Variants in HPS4 observed in about 807,000 individuals in gnomAD.
HPS4 encodes the protein HPS4 biogenesis of lysosomal organelles complex 3 subunit 2.
Under a neutral mutation model 70.3 loss-of-function variants are expected in HPS4, and 44 were observed. That is an observed-to-expected ratio of 0.63 (90% CI 0.49 to 0.80). HPS4 has a LOEUF of 0.80. Among genes scored for constraint, HPS4 ranks in the 30% least tolerant of loss-of-function variants. The pLI is 0.00. For missense variants in HPS4, 873 were observed against 884.4 expected, an observed-to-expected ratio of 0.99 and a Z score of 0.16; for synonymous variants, 377 against 355.9, an observed-to-expected ratio of 1.06 and a Z score of -0.67.
intron 3 of HPS4, chr22:26,445,102 G>A (rs527451399): frequency 6.6e-6 from 1 of 152,626 alleles, no homozygotes; most frequent in East Asian, 1.9e-4. Context: ...TTGGGAAGCT[G>A]AGCGGGGAGG....
At chr22:26,453,694 G>C (rs1334037156) in intron 13 of HPS4, 2 of 476,218 alleles carry the variant, frequency 4.2e-6, no homozygotes, top group Non-Finnish European at 7.7e-6. Context: ...AGGAACTGTG[G>C]AGTGCTGGCT....
At position 26,453,410 on chromosome 22, in the gene HPS4, G is replaced by A; in HGVS notation, c.1956-6C>T. On this transcript the variant is annotated splice_polypyrimidine_tract_variant and splice_region_variant and intron_variant, in intron 13 of 13. Transcript: ENST00000398145. ...ACACAGCCGTGGAGGCATTTCTGTTGGAGGAAGAAAGAAGGCAACGGTCCA... is the reference window on the plus strand; with the variant it reads ...ACACAGCCGTGGAGGCATTTCTGTTAGAGGAAGAAAGAAGGCAACGGTCCA... The A allele has an allele frequency of 6.2e-7, 1 of 1,613,708 alleles. No homozygotes were observed. The highest frequency in any genetic ancestry group is 8.5e-7 in the Non-Finnish European group (1 of 1,180,006).
chr22:26,469,836 C>CATCAT (rs2089480343), intron 7 of HPS4, among the ~76,000 whole-genome samples: 2 of 152,128 alleles, frequency 1.3e-5, no homozygotes, highest in Non-Finnish European at 2.9e-5. Flanking sequence ...TGATAAGAAC[C>CATCAT]GGGGCAAGGA....
intron 8 of HPS4, 147 bp downstream of exon 8, chr22:26,468,404 G>T: frequency 1.4e-6 from 1 of 725,720 alleles, no homozygotes; most frequent in Non-Finnish European, 2.5e-6. Flanking sequence ...CACTACTGAG[G>T]AGAATGACAT....
chr22:26,452,988 G>T lies in HPS4; in HGVS notation c.*245C>A. The T allele has an allele frequency of 1.9e-6, 1 of 516,896 alleles. No homozygotes were observed. Among genetic ancestry groups the T allele is most frequent in the Non-Finnish European group, 3.5e-6 (1 of 286,392 alleles). 32.0% of individuals were successfully genotyped at this position (516,896 alleles called of 1,614,324 possible). On this transcript the variant is annotated 3_prime_UTR_variant, in exon 14 of 14. Coordinates refer to ENST00000398145, the MANE Select transcript of HPS4 (RefSeq NM_022081.6). ...CAGAGAGGGAGCCAAGCCCGTCCCG[G>T]CCCCAACACTACCGATTAAATACAG...
Position 26,464,328 on chromosome 22 carries a change from C to G in HPS4, c.1302G>C (p.Leu434=). 1.2e-6 allele frequency: 2 copies of G among 1,614,138 alleles called. No individual in the cohort carries two copies. Among genetic ancestry groups the G allele is most frequent in the Non-Finnish European group, 1.7e-6 (2 of 1,180,036 alleles). Reference sequence around the variant, plus strand: ...GCTGCTCTTGGGCTCCATGCTGGGTCAGCATCTCAGGAGCAGAGGGAGGGC... The same window carrying G: ...GCTGCTCTTGGGCTCCATGCTGGGTGAGCATCTCAGGAGCAGAGGGAGGGC... ...SLRPPSAPEM[L]TQHGAQEQLE... Residue 434 remains leucine (L), a synonymous_variant, in exon 11 of 14, where the codon CTG becomes CTC. Coordinates refer to ENST00000398145, the MANE Select transcript of HPS4 (RefSeq NM_022081.6).
chr22:26,465,180 C>T (rs1369376197), intron 10 of HPS4, among the ~76,000 whole-genome samples: 1 of 152,178 alleles, frequency 6.6e-6, no homozygotes, highest in Non-Finnish European at 1.5e-5. Flanking sequence ...GTCTACTTTT[C>T]AGATGAAAAA....
intron 7 of HPS4, among the ~76,000 whole-genome samples, chr22:26,470,337 G>A (rs1416472246): frequency 6.6e-6 from 1 of 152,244 alleles, no homozygotes; most frequent in African/African-American, 2.4e-5. Context: ...AAGCACACCA[G>A]GGTCTCTGGG....
chr22:26,481,341 T>C (rs2091266702), intron 2 of HPS4, among the ~76,000 whole-genome samples: 1 of 152,168 alleles, frequency 6.6e-6, no homozygotes, highest in African/African-American at 2.4e-5. Flanking sequence ...CATTGAGTAA[T>C]ACCCCTTGAT....
At chr22:26,470,965 G>A (rs922147470) in intron 6 of HPS4, 152 bp from the exon 7 acceptor site, 9 of 1,499,432 alleles carry the variant, frequency 6.0e-6, no homozygotes, top group Non-Finnish European at 8.2e-6. Flanking sequence ...CTGTGCCATG[G>A]CTTGGGACTA....
intron 7 of HPS4, among the ~76,000 whole-genome samples, chr22:26,469,988 G>A (rs1462318382): frequency 6.6e-6 from 1 of 152,260 alleles, no homozygotes; most frequent in Non-Finnish European, 1.5e-5. Flanking sequence ...GCTGGCGAAA[G>A]AAGGGAGGAT....
chr22:26,455,389 A>G (rs2085915712), intron 13 of HPS4, among the ~76,000 whole-genome samples: 1 of 151,820 alleles, frequency 6.6e-6, no homozygotes, highest in African/African-American at 2.4e-5. Flanking sequence ...ACACCATGGA[A>G]TACTATGCAG....
intron 13 of HPS4, chr22:26,453,810 C>G (rs1394467239): frequency 6.9e-6 from 2 of 290,218 alleles, no homozygotes; most frequent in Non-Finnish European, 1.4e-5. Flanking sequence ...CAGACAAGGA[C>G]CCTGAGGCTC....
downstream of HPS4, among the ~76,000 whole-genome samples, chr22:26,447,250 T>TG (rs2146163339): frequency 6.6e-6 from 1 of 151,424 alleles, no homozygotes; most frequent in East Asian, 1.9e-4. Flanking sequence ...TTTTATTAGG[T>TG]GGGGTGGTGG....
upstream of HPS4, chr22:26,483,784 G>C: frequency 1.2e-6 from 1 of 816,596 alleles, no homozygotes; most frequent in Non-Finnish European, 1.7e-6. Flanking sequence ...CGGCAGAGAG[G>C]CCTTAGGTCA....
In HPS4 at chr22:26,470,791, T is replaced by C. The variant is rs2089672241; in HGVS notation, c.524A>G (p.Lys175Arg). ...QTKVEPLLLL[K>R]AARILQTCQR... ...GCAGGTCTGCAGAATGCGGGCTGCC[T>C]TCAGCAACAACAGGGGCTCCACCTG... The change falls in exon 7 of 14, where the codon AAG becomes AGG. Residue 175 changes from lysine (K) to arginine (R), a missense_variant. Transcript: ENST00000398145. 4 of 1,614,048 alleles carry C rather than the reference T, an allele frequency of 2.5e-6. No homozygotes were observed. Among genetic ancestry groups the C allele is most frequent in the Non-Finnish European group, 3.4e-6 (4 of 1,180,032 alleles).
chr22:26,471,891 C>G (rs2089867747), intron 6 of HPS4, among the ~76,000 whole-genome samples: 1 of 152,206 alleles, frequency 6.6e-6, no homozygotes, highest in African/African-American at 2.4e-5. Context: ...CCCAACCATT[C>G]TCTCTCAAAG....
rs955879389 is a variant in HPS4 at position 26,453,389 on chromosome 22, A to T, written c.1971T>A (p.Ala657=). 2 of 1,614,122 alleles carry T rather than the reference A, an allele frequency of 1.2e-6. No homozygotes were observed. Among genetic ancestry groups the T allele is most frequent in the Admixed American group, 1.7e-5 (1 of 60,034 alleles). Residue 657 remains alanine, a synonymous_variant, in exon 14 of 14, where the codon GCT becomes GCA. Transcript: ENST00000398145. The part of the protein sequence containing the change: ...YEMTVRNAST[A]VYACCNPIQE... The stretch of plus-strand genomic sequence containing the variant: ...GGATGGGGTTGCAACAGGCGTACAC[A>T]GCCGTGGAGGCATTTCTGTTGGAGG...
rs180729981 is a variant in HPS4 at position 26,472,843 on chromosome 22, G to C, written c.373C>G (p.Leu125Val). 1.1e-4 allele frequency: 170 copies of C among 1,613,568 alleles called. No individual in the cohort carries two copies. The East Asian group carries it at 3.7e-3, about 35-fold the overall frequency. ...FFNFYNGPVS[L>V]AYENCSQEEL... ...CCCCATACTTGTACCTCATAAGCTA[G>C]GGAAACAGGTCCATTGTAAAAATTA... Residue 125 changes from leucine (L) to valine (V), a missense_variant, in exon 5 of 14, where the codon CTA becomes GTA. Physicochemically the swap from Leu to Val is conservative, Grantham distance 32. Coordinates refer to ENST00000398145, the MANE Select transcript of HPS4 (RefSeq NM_022081.6).
Sources: gnomAD v4.1 joint callset for allele counts (sites outside exome capture counted in the v4.1 genomes callset) on GRCh38, gnomAD v4.1.1 for gene constraint, MANE v1.5 for transcripts, NCBI Gene and HGNC (gene_info 2026-07-23, HGNC 2026-07-21) for gene names.